Variants in CGN observed in about 807,000 individuals in gnomAD.
CGN encodes cingulin.
CGN carries 121 observed loss-of-function variants against 157.1 expected under a neutral mutation model. The observed-to-expected ratio is 0.77, with a 90% CI of 0.66 to 0.90. CGN has a LOEUF of 0.90. Ranked by LOEUF, CGN falls within the 40% of genes least tolerant of loss-of-function variation. The pLI is 0.00. For missense variants in CGN, 1,424 were observed against 1,520.9 expected (o/e 0.94, Z 1.06); for synonymous variants, 535 against 607.5 (o/e 0.88, Z 1.76).
intron 1 of CGN, chr1:151,515,616 G>T (rs1664391535): frequency 6.6e-6 from 1 of 152,208 alleles, no homozygotes; most frequent in Non-Finnish European, 1.5e-5. Context: ...TGGGACTACA[G>T]GTGTGTACCA....
chr1:151,520,719 C>T (rs1664527290), intron 5 of CGN, 28 bp downstream of exon 5: 1 of 1,587,620 alleles, frequency 6.3e-7, no homozygotes, highest in African/African-American at 1.3e-5. Context: ...GTGCCGGAGG[C>T]ATGAAGGAAA....
rs1315692096 is a variant in CGN, at chr1:151,530,514, C to A, written c.2339C>A (p.Ala780Asp). ...LEAEKQQLEE[A>D]LNASQEEEGS... ...GCAGAGAAACAGCAGCTGGAGGAGG[C>A]CCTGAATGCGTCCCAGGAAGAGGAG... Residue 780 changes from alanine to aspartate, a missense_variant, in exon 13 of 21, where the codon GCC (alanine) becomes GAC (aspartate). Physicochemically the swap from Ala to Asp is moderately radical, Grantham distance 126 (BLOSUM62 -2). Around this residue, in one of 3 missense-constraint regions of CGN, gnomAD observed 1,187 missense variants for 1,217.6 expected, o/e 0.97. Coordinates refer to ENST00000271636, the MANE Select transcript of CGN (RefSeq NM_020770.3). The A allele has an allele frequency of 1.9e-6, 3 of 1,597,866 alleles. No homozygotes were observed. The South Asian group carries it at 3.4e-5, about 18-fold the overall frequency.
intron 13 of CGN, among the ~76,000 whole-genome samples, chr1:151,531,841 T>A (rs1383943206): frequency 2.0e-5 from 3 of 152,246 alleles, no homozygotes; most frequent in Non-Finnish European, 4.4e-5. Flanking sequence ...GCACATCTTA[T>A]CATTTGTCAA....
chr1:151,519,218 C>T lies in CGN; in HGVS notation c.699C>T (p.Asn233=). 1 of 1,614,140 alleles carries T rather than the reference C, an allele frequency of 6.2e-7. No individual in the cohort carries two copies. Among genetic ancestry groups the T allele is most frequent in the Non-Finnish European group, 8.5e-7 (1 of 1,180,034 alleles). Residue 233 remains asparagine (N), a synonymous_variant, in exon 2 of 21, where the codon AAC becomes AAT. Transcript: ENST00000271636. ...AGGAACGGGAGCGCCAGTCCACCAA[C>T]CACTGGACCTCTAGCACAAAATATG... ...TFEERERQST[N]HWTSSTKYDN... is the part of the protein sequence containing the mutation.
rs758578154 is a variant in CGN at position 151,518,981 on chromosome 1, C to A, written c.462C>A (p.Asn154Lys). 1 of 1,614,224 alleles carries A rather than the reference C, an allele frequency of 6.2e-7. No homozygotes were observed. Among genetic ancestry groups the A allele is most frequent in the Admixed American group, 1.7e-5 (1 of 60,028 alleles). Residue 154 changes from asparagine (N) to lysine (K), a missense_variant, in exon 2 of 21, where the codon AAC becomes AAA. This residue lies in a region of CGN where 1,187 missense variants were observed against 1,217.6 expected (regional missense o/e 0.97). Coordinates refer to ENST00000271636, the MANE Select transcript of CGN (RefSeq NM_020770.3). ...CAGTGGATCCTAGTAACAGAAGCAACAGCATGCTGGAGCTAGCCCCGAAAG... is the reference window on the plus strand; with the variant it reads ...CAGTGGATCCTAGTAACAGAAGCAAAAGCATGCTGGAGCTAGCCCCGAAAG... ...PGPVDPSNRS[N>K]SMLELAPKVA...
In CGN at chr1:151,527,095, G is replaced by A; in HGVS notation, c.1884G>A (p.Glu628=). 1 of 1,614,140 alleles carries A rather than the reference G, an allele frequency of 6.2e-7. No individual in the cohort carries two copies. Among genetic ancestry groups the A allele is most frequent in the South Asian group, 1.1e-5 (1 of 91,084 alleles). Residue 628 remains glutamate, a synonymous_variant, in exon 10 of 21, where the codon GAG becomes GAA. Transcript: ENST00000271636. ...GTGCTGGAGATACTCGCCAGGTTGAGGTGCTCAAGAAGGTATTTGGGAATT... is the reference window on the plus strand; with the variant it reads ...GTGCTGGAGATACTCGCCAGGTTGAAGTGCTCAAGAAGGTATTTGGGAATT... ...RASAGDTRQV[E]VLKKELLRTQ... is the part of the protein sequence containing the mutation.
chr1:151,533,996 C>T lies in CGN; in HGVS notation c.2764C>T (p.Leu922=). 1 of 1,611,528 alleles carries T rather than the reference C, an allele frequency of 6.2e-7. No individual in the cohort carries two copies. The highest frequency in any genetic ancestry group is 8.5e-7 in the Non-Finnish European group (1 of 1,179,502). Residue 922 remains leucine, a synonymous_variant, in exon 15 of 21, where the codon CTG becomes TTG. Coordinates refer to ENST00000271636, the MANE Select transcript of CGN (RefSeq NM_020770.3). ...CCAGATCCAGAGGCTGCGGCAGGCC[C>T]TGCAGGCATCCCAGGCTGAGCGGGA... The part of the protein sequence containing the change: ...QDEIQRLRQA[L]QASQAERDTA...
chr1:151,529,068 G>A (rs1320593775), intron 10 of CGN, among the ~76,000 whole-genome samples: 1 of 152,152 alleles, frequency 6.6e-6, no homozygotes, highest in Non-Finnish European at 1.5e-5. Flanking sequence ...TCTGGGTTGT[G>A]TATCCATCTG....
intron 1 of CGN, among the ~76,000 whole-genome samples, chr1:151,512,579 G>A (rs1320780981): frequency 6.6e-6 from 1 of 152,214 alleles, no homozygotes; most frequent in Non-Finnish European, 1.5e-5. Flanking sequence ...ACAGATGAAA[G>A]GTGCACCTTG....
chr1:151,513,643 C>T (rs1208198591), intron 1 of CGN, among the ~76,000 whole-genome samples: 1 of 152,060 alleles, frequency 6.6e-6, no homozygotes, highest in East Asian at 1.9e-4. Flanking sequence ...CCGAAACCAC[C>T]CCACCCCCAC....
At chr1:151,535,924 T>A (rs369889979) in intron 18 of CGN, 26 bp downstream of exon 18, 1 of 1,553,034 alleles carries the variant, frequency 6.4e-7, no homozygotes, top group Non-Finnish European at 8.9e-7. Context: ...CCTTCCTCCC[T>A]TCCTCCCTCC....
intron 5 of CGN, among the ~76,000 whole-genome samples, chr1:151,521,064 G>A (rs1227844245): frequency 6.6e-6 from 1 of 152,108 alleles, no homozygotes; most frequent in East Asian, 1.9e-4. Flanking sequence ...AATTTTGGTA[G>A]TATGTACTGT....
chr1:151,520,594 A>C lies in CGN; in HGVS notation c.1045-2A>C, dbSNP rs1403699020. On this transcript the variant is annotated splice_acceptor_variant, in intron 4 of 20. Transcript: ENST00000271636. LOFTEE classifies it high-confidence loss of function. The stretch of plus-strand genomic sequence containing the variant: ...CCCCCACACCCCCCATATCTCTGGC[A>C]GATGGTTTCTTCTGGTTCTACTAAG... 1 of 1,614,192 alleles carries C rather than the reference A, an allele frequency of 6.2e-7. No individual in the cohort carries two copies.
At chr1:151,513,679 G>T (rs1033783249) in intron 1 of CGN, among the ~76,000 whole-genome samples, 3 of 152,134 alleles carry the variant, frequency 2.0e-5, no homozygotes, top group Non-Finnish European at 4.4e-5. Flanking sequence ...CAGATACCCT[G>T]TCACTCCTAG....
Position 151,518,729 on chromosome 1 carries a change from T to A in CGN, c.210T>A (p.Ser70Arg). 1 of 1,613,960 alleles carries A rather than the reference T, an allele frequency of 6.2e-7. No individual in the cohort carries two copies. Residue 70 changes from serine to arginine, a missense_variant, in exon 2 of 21, where the codon AGT (serine) becomes AGA (arginine). Coordinates refer to ENST00000271636, the MANE Select transcript of CGN (RefSeq NM_020770.3). ...IAGQPFVVLN[S>R]GEKGGDSFGV... Reference sequence around the variant, plus strand: ...GGCAGCCCTTTGTGGTGCTCAACAGTGGGGAGAAAGGCGGTGACTCCTTTG... The same window carrying A: ...GGCAGCCCTTTGTGGTGCTCAACAGAGGGGAGAAAGGCGGTGACTCCTTTG...
At position 151,526,962 on chromosome 1, in the gene CGN, T is replaced by G. The variant is rs1664694864; in HGVS notation, c.1764-13T>G. 6.2e-7 allele frequency: 1 copy of G among 1,613,926 alleles called. No homozygotes were observed. Among genetic ancestry groups the G allele is most frequent in the South Asian group, 1.1e-5 (1 of 91,076 alleles). Reference sequence around the variant, plus strand: ...TGTTCCCTTTCCCCTTTATTTCACCTTGCCTGGCTCAGACTCCTGCAGCTG... The same window carrying G: ...TGTTCCCTTTCCCCTTTATTTCACCGTGCCTGGCTCAGACTCCTGCAGCTG... On this transcript the variant is annotated splice_polypyrimidine_tract_variant and intron_variant, in intron 9 of 20. Coordinates refer to ENST00000271636, the MANE Select transcript of CGN (RefSeq NM_020770.3).
At chr1:151,533,267 G>A (rs530680210) in intron 14 of CGN, among the ~76,000 whole-genome samples, 4 of 152,108 alleles carry the variant, frequency 2.6e-5, no homozygotes, top group Non-Finnish European at 5.9e-5. Flanking sequence ...CATGAGGTCA[G>A]GTGTTCAAGA....
At chr1:151,535,922 CCTTCCTCCCTCCTTTT>C (rs1355702323) in intron 18 of CGN, 24 bp downstream of exon 18, 8 of 1,556,144 alleles carry the variant, frequency 5.1e-6, no homozygotes, top group Middle Eastern at 2.1e-4. Context: ...ATCCTTCCTC[CCTTCCTCCCTCCTTTT>C]CTTCCTCCCT....
At chr1:151,533,058 A>AT (rs755985129) in intron 14 of CGN, among the ~76,000 whole-genome samples, 2 of 152,042 alleles carry the variant, frequency 1.3e-5, no homozygotes, top group Non-Finnish European at 2.9e-5. Context: ...ACCTGAGGAG[A>AT]TTTTTAAAAA....
Sources: allele counts gnomAD v4.1 joint callset (sites outside exome capture counted in the v4.1 genomes callset), GRCh38; gene constraint gnomAD v4.1.1; regional missense constraint gnomAD v4.1.1; transcripts MANE v1.5; gene names NCBI Gene and HGNC (gene_info 2026-07-23, HGNC 2026-07-21).